MOB1B: variants seen among roughly 807,000 people sequenced by gnomAD.
MOB1B encodes the protein MOB kinase activator 1B, also known as MOB1 Mps One Binder homolog B.
MOB1B carries 19 observed loss-of-function variants against 24.4 expected under a neutral mutation model. That is an observed-to-expected ratio of 0.78 (90% confidence interval 0.54 to 1.14). The LOEUF is 1.14. Among genes scored for constraint, MOB1B ranks in the 50% most tolerant of loss-of-function variants. The pLI is 0.00. For missense variants in MOB1B, 243 were observed against 259.6 expected, an observed-to-expected ratio of 0.94 and a Z score of 0.44; for synonymous variants, 76 against 82.1, an observed-to-expected ratio of 0.93 and a Z score of 0.40.
At chr4:70,916,350 A>G (rs894308774) in intron 1 of MOB1B, among the ~76,000 whole-genome samples, 1 of 152,216 alleles carries the variant, frequency 6.6e-6, no homozygotes, top group Non-Finnish European at 1.5e-5. Context: ...GAGAGACCAT[A>G]TGACATTCTA....
chr4:70,906,106 A>G (rs946476693), intron 1 of MOB1B, among the ~76,000 whole-genome samples: 3 of 151,498 alleles, frequency 2.0e-5, no homozygotes, highest in Non-Finnish European at 4.4e-5. Context: ...CGCGGGGCAT[A>G]ATGGCTCAGG....
At chr4:70,937,848 A>G (rs865898239) in intron 1 of MOB1B, among the ~76,000 whole-genome samples, 4 of 151,844 alleles carry the variant, frequency 2.6e-5, no homozygotes, top group Non-Finnish European at 2.9e-5. Context: ...TTTGTACTTT[A>G]TGTTTTAGGA....
At chr4:70,952,114 C>T (rs1053711742) in intron 1 of MOB1B, among the ~76,000 whole-genome samples, 3 of 152,118 alleles carry the variant, frequency 2.0e-5, no homozygotes, top group African/African-American at 7.2e-5. Flanking sequence ...TTCATACATG[C>T]GTACACACAA....
chr4:70,907,190 C>G (rs1390458541), intron 1 of MOB1B, among the ~76,000 whole-genome samples: 2 of 152,118 alleles, frequency 1.3e-5, no homozygotes, highest in Non-Finnish European at 2.9e-5. Context: ...CTTCTTTTTG[C>G]TAAAGGGGCA....
chr4:70,958,879 G>A lies in MOB1B; in HGVS notation c.20G>A (p.Ser7Asn). ...TTTTTCTTTTCTATTCATAGTGGTA[G>A]TCGCTCTTCTAAAACTTTTAAACCA... is the stretch of plus-strand genomic sequence containing the variant. MSFLFG[S>N]RSSKTFKPKK... The change falls in exon 2 of 6, where the codon AGT becomes AAT. Residue 7 changes from serine to asparagine, a missense_variant. By Grantham distance (46) the Ser-to-Asn change is conservative. Transcript: ENST00000309395. 1.2e-6 allele frequency: 2 copies of A among 1,608,268 alleles called. No individual in the cohort carries two copies. The highest frequency in any genetic ancestry group is 1.7e-6 in the Non-Finnish European group (2 of 1,178,394).
At chr4:70,920,405 A>T (rs1277336261) in intron 1 of MOB1B, among the ~76,000 whole-genome samples, 1 of 152,094 alleles carries the variant, frequency 6.6e-6, no homozygotes, top group Non-Finnish European at 1.5e-5. Context: ...TTGTATTTTT[A>T]GTAGAGATGG....
intron 1 of MOB1B, among the ~76,000 whole-genome samples, chr4:70,904,564 G>A (rs1474640374): frequency 2.0e-5 from 3 of 151,736 alleles, no homozygotes; most frequent in African/African-American, 4.8e-5. Context: ...TTCGAGATCA[G>A]CCTGGCCAAT....
chr4:70,918,729 C>T (rs1477771335), intron 1 of MOB1B, among the ~76,000 whole-genome samples: 1 of 152,078 alleles, frequency 6.6e-6, no homozygotes, highest in Non-Finnish European at 1.5e-5. Flanking sequence ...TCTTTTGTTG[C>T]CATTGCTTTT....
intron 1 of MOB1B, among the ~76,000 whole-genome samples, chr4:70,906,128 A>G (rs1256651003): frequency 6.6e-6 from 1 of 152,092 alleles, no homozygotes; most frequent in African/African-American, 2.4e-5. Flanking sequence ...CTGTAATCCC[A>G]GCACTTTGGG....
intron 1 of MOB1B, among the ~76,000 whole-genome samples, chr4:70,947,544 T>C (rs1173984345): frequency 1.3e-5 from 2 of 152,208 alleles, no homozygotes; most frequent in African/African-American, 4.8e-5. Context: ...TCCTTAACTA[T>C]GTATGTGATC....
intron 1 of MOB1B, among the ~76,000 whole-genome samples, chr4:70,903,949 A>G (rs2148863205): frequency 6.6e-6 from 1 of 150,960 alleles, no homozygotes; most frequent in South Asian, 2.1e-4. Context: ...ATTTTATAAA[A>G]AAGTCCTTGT....
intron 1 of MOB1B, among the ~76,000 whole-genome samples, chr4:70,923,237 C>G (rs931676743): frequency 2.6e-5 from 4 of 152,170 alleles, no homozygotes; most frequent in Non-Finnish European, 4.4e-5. Context: ...CTCAGAACTT[C>G]TAGACCTCAG....
At chr4:70,956,187 C>CT (rs1472923259) in intron 1 of MOB1B, among the ~76,000 whole-genome samples, 8 of 152,126 alleles carry the variant, frequency 5.3e-5, no homozygotes, top group Admixed American at 3.9e-4. Flanking sequence ...CACTTTTGCA[C>CT]TGGAAAGTCG....
At position 70,969,921 on chromosome 4, in the gene MOB1B, T is replaced by G; in HGVS notation, c.182-10T>G. The G allele has an allele frequency of 6.6e-7, 1 of 1,514,912 alleles. No homozygotes were observed. The highest frequency in any genetic ancestry group is 9.1e-7 in the Non-Finnish European group (1 of 1,098,878). 93.8% of individuals were successfully genotyped at this position (1,514,912 alleles called of 1,614,324 possible). ...TTCTGTTTTACTTACAACTGATACT[T>G]GCTTTACAGCTGTGGATTTCTTCAA... On this transcript the variant is annotated splice_polypyrimidine_tract_variant and intron_variant, in intron 2 of 5. Transcript: ENST00000309395.
intron 1 of MOB1B, among the ~76,000 whole-genome samples, chr4:70,924,449 C>A (rs1736570534): frequency 6.6e-6 from 1 of 152,102 alleles, no homozygotes; most frequent in Admixed American, 6.6e-5. Flanking sequence ...ATCAGTGTTT[C>A]ATTTGGAAAA....
chr4:70,911,141 C>G (rs563773133), intron 1 of MOB1B, among the ~76,000 whole-genome samples: 1 of 152,072 alleles, frequency 6.6e-6, no homozygotes, highest in Non-Finnish European at 1.5e-5. Flanking sequence ...TAAAAATATA[C>G]AAATGGATTT....
intron 1 of MOB1B, among the ~76,000 whole-genome samples, chr4:70,915,178 T>C (rs1025792921): frequency 3.3e-5 from 5 of 152,262 alleles, no homozygotes; most frequent in Admixed American, 2.6e-4. Context: ...TGTTATGGTA[T>C]GTGTTAGTGC....
At position 70,985,695 on chromosome 4, in the gene MOB1B, T is replaced by C. The variant is rs1739355328; in HGVS notation, c.*3638T>C. 5 of 151,994 alleles carry C rather than the reference T, an allele frequency of 3.3e-5. No individual in the cohort carries two copies. The highest frequency in any genetic ancestry group is 3.3e-4 in the Admixed American group (5 of 15,252). 9.4% of individuals were successfully genotyped at this position (151,994 alleles called of 1,614,324 possible). A position where few individuals can be genotyped will look rare whatever the true frequency, so the allele number is the denominator to read the frequency against. The stretch of plus-strand genomic sequence containing the variant: ...GCACCACACCTGGCTAATTTTCATA[T>C]TTTTAGTAGAGATGGGGTTTCAACA... On this transcript the variant is annotated 3_prime_UTR_variant, in exon 6 of 6. Coordinates refer to ENST00000309395, the MANE Select transcript of MOB1B (RefSeq NM_173468.4).
chr4:70,959,087 G>A (rs747786471), intron 2 of MOB1B, 47 bp downstream of exon 2: 4 of 1,525,842 alleles, frequency 2.6e-6, no homozygotes, highest in Non-Finnish European at 3.6e-6. Flanking sequence ...TAGGGTAATA[G>A]CCTCATTGTT....
Sources: gnomAD v4.1 joint callset for allele counts (sites outside exome capture counted in the v4.1 genomes callset) on GRCh38, gnomAD v4.1.1 for gene constraint, MANE v1.5 for transcripts, NCBI Gene and HGNC (gene_info 2026-07-23, HGNC 2026-07-21) for gene names.